Variants in CCNY observed in about 807,000 individuals in gnomAD.
The protein encoded by CCNY is cyclin-Y.
Under a neutral mutation model 42.8 loss-of-function variants are expected in CCNY, and 19 were observed. The observed-to-expected ratio is 0.44, with a 90% CI of 0.31 to 0.65. The LOEUF (loss-of-function observed/expected upper bound fraction) is 0.65. CCNY is among the 30% of genes least tolerant of loss of function. CCNY has a pLI of 0.07. For missense variants in CCNY, 370 were observed against 437.3 expected (o/e 0.85, Z 1.37); for synonymous variants, 165 against 162.7 (o/e 1.01, Z -0.11).
chr10:35,309,277 T>C lies in CCNY; in HGVS notation c.-9+58651T>C, dbSNP rs115245648. Among the ~76,000 whole-genome samples, 642 of 152,194 alleles carry C rather than the reference T, an allele frequency of 4.2e-3. 2 individuals carry two copies. Among genetic ancestry groups the C allele is most frequent in the African/African-American group, 0.015 (616 of 41,544 alleles). On this transcript the variant is annotated intron_variant, in intron 3 of 11. Transcript: ENST00000374706. ...AGGAAGAATGGCCCTCCACATGAGATAGGTCAGCAATCACTCAGGTCCTGT... is the reference window on the plus strand; with the variant it reads ...AGGAAGAATGGCCCTCCACATGAGACAGGTCAGCAATCACTCAGGTCCTGT...
intron 2 of CCNY, among the ~76,000 whole-genome samples, chr10:35,495,322 G>A (rs1275710095): frequency 6.6e-6 from 1 of 152,202 alleles, no homozygotes; most frequent in Non-Finnish European, 1.5e-5. Context: ...CTTAGCTGAA[G>A]TTTCTGTGCT....
intron 7 of CCNY, among the ~76,000 whole-genome samples, chr10:35,541,511 C>T (rs542936436): frequency 6.6e-6 from 1 of 152,188 alleles, no homozygotes; most frequent in Non-Finnish European, 1.5e-5. Context: ...GATCCTGTCC[C>T]TGCAGCCTCC....
At chr10:35,415,154 G>C (rs1048551501) in intron 1 of CCNY, among the ~76,000 whole-genome samples, 1 of 152,216 alleles carries the variant, frequency 6.6e-6, no homozygotes, top group Non-Finnish European at 1.5e-5. Flanking sequence ...GGGGCAGGCC[G>C]TGCACTCAGA....
chr10:35,436,086 G>T (rs1838526004), intron 1 of CCNY, among the ~76,000 whole-genome samples: 1 of 152,140 alleles, frequency 6.6e-6, no homozygotes, highest in Non-Finnish European at 1.5e-5. Flanking sequence ...CTGGAGAGTT[G>T]GGCAGGGGTG....
At chr10:35,491,736 C>G (rs1056831899) in intron 2 of CCNY, among the ~76,000 whole-genome samples, 7 of 152,054 alleles carry the variant, frequency 4.6e-5, no homozygotes, top group Non-Finnish European at 5.9e-5. Context: ...GCCTCAGCCT[C>G]CCGAGTAGCT....
chr10:35,441,048 T>C (rs1589123460), intron 1 of CCNY, among the ~76,000 whole-genome samples: 1 of 152,176 alleles, frequency 6.6e-6, no homozygotes, highest in African/African-American at 2.4e-5. Context: ...TTCTATATTG[T>C]TAGCACCACT....
chr10:35,318,285 G>A (rs1023696468), intron 3 of CCNY, among the ~76,000 whole-genome samples: 1 of 152,052 alleles, frequency 6.6e-6, no homozygotes, highest in Non-Finnish European at 1.5e-5. Context: ...TTAAGCAGAA[G>A]GGCAAGAAAG....
intron 1 of CCNY, among the ~76,000 whole-genome samples, chr10:35,394,037 C>A (rs965552869): frequency 2.0e-5 from 3 of 152,228 alleles, no homozygotes; most frequent in Non-Finnish European, 2.9e-5. Context: ...TTGAGCCTTT[C>A]TTTGCCAGTG....
intron 3 of CCNY, among the ~76,000 whole-genome samples, chr10:35,261,979 C>A (rs1214206099): frequency 1.3e-5 from 2 of 151,804 alleles, no homozygotes; most frequent in South Asian, 2.1e-4. Context: ...TGAGATGGTA[C>A]CATTGCACTC....
chr10:35,492,995 G>T (rs193071486), intron 2 of CCNY, among the ~76,000 whole-genome samples: 2 of 151,556 alleles, frequency 1.3e-5, no homozygotes, highest in Non-Finnish European at 2.9e-5. Context: ...GAGGTGCATG[G>T]GGGGGGGAGG....
intron 1 of CCNY, among the ~76,000 whole-genome samples, chr10:35,340,069 G>A (rs1836142021): frequency 6.6e-6 from 1 of 152,094 alleles, no homozygotes; most frequent in Admixed American, 6.5e-5. Flanking sequence ...CTAAGTACTT[G>A]GATTCCATTC....
chr10:35,380,711 AG>A (rs1013246829), intron 1 of CCNY, among the ~76,000 whole-genome samples: 5 of 152,164 alleles, frequency 3.3e-5, no homozygotes, highest in African/African-American at 1.2e-4. Context: ...TGACAGGCCC[AG>A]AGAGATTAAG....
intron 1 of CCNY, among the ~76,000 whole-genome samples, chr10:35,383,589 T>A (rs950032891): frequency 6.6e-6 from 1 of 152,232 alleles, no homozygotes; most frequent in Admixed American, 6.5e-5. Context: ...ATTACAGGCA[T>A]GAGCCCTCGT....
At chr10:35,333,941 CT>C (rs943797657), upstream of CCNY, among the ~76,000 whole-genome samples, 1 of 151,566 alleles carries the variant, frequency 6.6e-6, no homozygotes, top group Non-Finnish European at 1.5e-5. Context: ...CGTCTTTTCT[CT>C]CCAGGATTCT....
intron 3 of CCNY, among the ~76,000 whole-genome samples, chr10:35,294,737 G>A (rs1391518156): frequency 6.6e-6 from 1 of 152,156 alleles, no homozygotes; most frequent in Non-Finnish European, 1.5e-5. Context: ...GGTTTAGTAT[G>A]AGGGAAATAC....
intron 3 of CCNY, among the ~76,000 whole-genome samples, chr10:35,257,886 T>C (rs2135028157): frequency 6.6e-6 from 1 of 152,378 alleles, no homozygotes; most frequent in East Asian, 1.9e-4. Context: ...GTCTACTTGG[T>C]GGTGTCCCAC....
intron 1 of CCNY, among the ~76,000 whole-genome samples, chr10:35,443,566 G>C (rs1330017826): frequency 6.6e-6 from 1 of 152,118 alleles, no homozygotes; most frequent in Non-Finnish European, 1.5e-5. Context: ...TGAAGTAGAG[G>C]TTCCTCTTCA....
chr10:35,491,429 C>A (rs764324897), intron 2 of CCNY, among the ~76,000 whole-genome samples: 11 of 152,140 alleles, frequency 7.2e-5, no homozygotes, highest in Non-Finnish European at 1.5e-4. Context: ...GAGCCAGCCT[C>A]TTCCAGGACC....
intron 3 of CCNY, among the ~76,000 whole-genome samples, chr10:35,261,751 T>G (rs754244815): frequency 6.6e-6 from 1 of 152,020 alleles, no homozygotes; most frequent in Non-Finnish European, 1.5e-5. Flanking sequence ...CCAGGCACAG[T>G]GGCTCATGCC....
Sources: allele counts gnomAD v4.1 joint callset (sites outside exome capture counted in the v4.1 genomes callset), GRCh38; gene constraint gnomAD v4.1.1; transcripts MANE v1.5; gene names NCBI Gene and HGNC (gene_info 2026-07-23, HGNC 2026-07-21).